The following RBFOX1 variants were observed in gnomAD, a reference collection of about 807,000 sequenced individuals.
RBFOX1 encodes RNA binding protein fox-1 homolog 1.
RBFOX1 carries 8 observed loss-of-function variants against 57.7 expected under a neutral mutation model. The observed-to-expected ratio is 0.14, with a 90% CI of 0.08 to 0.25. RBFOX1 has a LOEUF of 0.25. Ranked by LOEUF, RBFOX1 falls within the 10% of genes least tolerant of loss-of-function variation. The pLI is 1.00. For missense variants in RBFOX1, 611 were observed against 548.5 expected (o/e 1.11, Z -1.14); for synonymous variants, 326 against 222.4 (o/e 1.47, Z -4.15).
chr16:6,984,479 G>A (rs567155222), intron 3 of RBFOX1, among the ~76,000 whole-genome samples: 1 of 152,154 alleles, frequency 6.6e-6, no homozygotes, highest in South Asian at 2.1e-4. Context: ...CCACTGTTAG[G>A]CAGGTTTTGT....
intron 4 of RBFOX1, among the ~76,000 whole-genome samples, chr16:7,100,888 C>A (rs1011817456): frequency 5.3e-5 from 8 of 152,082 alleles, no homozygotes; most frequent in Non-Finnish European, 1.2e-4. Context: ...AGTTAAACTG[C>A]TAAACATTTT....
chr16:5,766,683 C>T (rs1597163579), intron 3 of RBFOX1, among the ~76,000 whole-genome samples: 1 of 152,130 alleles, frequency 6.6e-6, no homozygotes, highest in South Asian at 2.1e-4. Flanking sequence ...CCCCCCAGGA[C>T]CCAAACATCT....
intron 14 of RBFOX1, among the ~76,000 whole-genome samples, chr16:7,701,761 C>T (rs1169042847): frequency 4.6e-5 from 7 of 152,156 alleles, no homozygotes; most frequent in African/African-American, 1.7e-4. Context: ...GAGTATTTCC[C>T]TAAATTCACT....
intron 1 of RBFOX1, among the ~76,000 whole-genome samples, chr16:6,046,711 G>A (rs139835243): frequency 2.2e-4 from 33 of 152,294 alleles, no homozygotes; most frequent in African/African-American, 7.9e-4. Flanking sequence ...TAGACTCAAG[G>A]TAACCTTGCA....
intron 4 of RBFOX1, among the ~76,000 whole-genome samples, chr16:5,962,012 C>T (rs1291469266): frequency 6.6e-6 from 1 of 152,172 alleles, no homozygotes; most frequent in Non-Finnish European, 1.5e-5. Context: ...CTCTCTCCTT[C>T]CAAATCCGTT....
intron 2 of RBFOX1, among the ~76,000 whole-genome samples, chr16:6,630,354 T>C (rs1166037940): frequency 3.9e-5 from 6 of 152,122 alleles, no homozygotes; most frequent in Non-Finnish European, 7.3e-5. Context: ...CATGCATCCA[T>C]CCATTTCTGC....
At chr16:5,467,809 T>A (rs2068999564) in intron 2 of RBFOX1, among the ~76,000 whole-genome samples, 1 of 152,226 alleles carries the variant, frequency 6.6e-6, no homozygotes, top group African/African-American at 2.4e-5. Flanking sequence ...AGATTTTTAT[T>A]TCCTCCACGA....
chr16:6,481,214 G>A (rs901170938), intron 2 of RBFOX1, among the ~76,000 whole-genome samples: 2 of 152,182 alleles, frequency 1.3e-5, no homozygotes, highest in South Asian at 2.1e-4. Flanking sequence ...TGGGGTGGGA[G>A]CAAGAAAACA....
chr16:6,310,012 C>A (rs13334871), intron 1 of RBFOX1, among the ~76,000 whole-genome samples: 3,624 of 152,140 alleles, frequency 0.024, 159 homozygotes, highest in African/African-American at 0.082. Context: ...CTCAGCCTCC[C>A]GAGGAGCTGG....
chr16:7,240,646 C>T (rs1037867633), intron 4 of RBFOX1, among the ~76,000 whole-genome samples: 43 of 152,114 alleles, frequency 2.8e-4, no homozygotes, highest in Admixed American at 1.0e-3. Context: ...CCTTGACCTT[C>T]TGGGCTCAAG....
At chr16:6,619,992 G>C (rs2098203614) in intron 2 of RBFOX1, among the ~76,000 whole-genome samples, 1 of 152,112 alleles carries the variant, frequency 6.6e-6, no homozygotes, top group African/African-American at 2.4e-5. Context: ...AGTTTGCTAA[G>C]TGTAATGGCC....
At chr16:6,920,515 G>C (rs2074233952) in intron 3 of RBFOX1, among the ~76,000 whole-genome samples, 1 of 152,152 alleles carries the variant, frequency 6.6e-6, no homozygotes, top group African/African-American at 2.4e-5. Flanking sequence ...TAATTGCCAA[G>C]GGCTACCATA....
At chr16:6,382,260 GAAAGCATAGTTTGTTGGTCCCGTCCT>G (rs1378155427) in intron 2 of RBFOX1, among the ~76,000 whole-genome samples, 1 of 152,238 alleles carries the variant, frequency 6.6e-6, no homozygotes, top group Non-Finnish European at 1.5e-5. Flanking sequence ...CCTGCGGTCT[GAAAGCATAGTTTGTTGGTCCCGTCCT>G]AAAGTTTAGC....
intron 3 of RBFOX1, among the ~76,000 whole-genome samples, chr16:6,826,390 C>T (rs933467277): frequency 2.0e-5 from 3 of 152,132 alleles, no homozygotes; most frequent in Non-Finnish European, 4.4e-5. Context: ...CTGCCTGGTA[C>T]ATAGTAAATA....
intron 3 of RBFOX1, among the ~76,000 whole-genome samples, chr16:6,763,283 A>G (rs2076886469): frequency 1.3e-5 from 2 of 152,200 alleles, no homozygotes; most frequent in Non-Finnish European, 1.5e-5. Context: ...TGTTAGTGAG[A>G]AGCAAAGTCA....
chr16:6,877,570 A>G (rs1345115547), intron 3 of RBFOX1, among the ~76,000 whole-genome samples: 1 of 152,188 alleles, frequency 6.6e-6, no homozygotes, highest in East Asian at 1.9e-4. Flanking sequence ...TCACAGCCCC[A>G]GAGTCTTGTG....
chr16:5,469,059 C>G (rs2069046602), intron 2 of RBFOX1, among the ~76,000 whole-genome samples: 1 of 152,230 alleles, frequency 6.6e-6, no homozygotes, highest in Non-Finnish European at 1.5e-5. Context: ...ATGGCTGGAT[C>G]TGACCAGTAG....
chr16:7,280,901 C>T (rs2095527668), intron 4 of RBFOX1, among the ~76,000 whole-genome samples: 1 of 151,780 alleles, frequency 6.6e-6, no homozygotes, highest in Non-Finnish European at 1.5e-5. Flanking sequence ...AGAAAGGGTA[C>T]ATAATGGCAG....
chr16:5,410,005 G>A (rs993238315), intron 1 of RBFOX1, among the ~76,000 whole-genome samples: 2 of 150,464 alleles, frequency 1.3e-5, no homozygotes, highest in Admixed American at 1.3e-4. Flanking sequence ...CTGAGATCAC[G>A]CCAGTGCACT....
Sources: allele counts gnomAD v4.1 joint callset (sites outside exome capture counted in the v4.1 genomes callset), GRCh38; gene constraint gnomAD v4.1.1; transcripts MANE v1.5; gene names NCBI Gene and HGNC (gene_info 2026-07-23, HGNC 2026-07-21).